HIF3A: variants seen among roughly 807,000 people sequenced by gnomAD.
HIF3A encodes the protein hypoxia-inducible factor 3-alpha.
HIF3A carries 41 observed loss-of-function variants against 67.2 expected under a neutral mutation model. That is an observed-to-expected ratio of 0.61 (90% CI 0.48 to 0.79). The LOEUF (loss-of-function observed/expected upper bound fraction) is 0.79, where lower values mean the gene tolerates loss of function less well. Ranked by LOEUF, HIF3A falls within the 30% of genes least tolerant of loss-of-function variation. The pLI is 0.00. For missense variants in HIF3A, 855 were observed against 898.0 expected, an observed-to-expected ratio of 0.95 and a Z score of 0.61; for synonymous variants, 356 against 374.8, an observed-to-expected ratio of 0.95 and a Z score of 0.58.
At chr19:46,331,093 A>C in intron 12 of HIF3A, 63 bp from the exon 13 acceptor site, 1 of 1,311,662 alleles carries the variant, frequency 7.6e-7, no homozygotes, top group Non-Finnish European at 1.1e-6. Flanking sequence ...TCACCTGCTT[A>C]CACTGTTATC....
chr19:46,338,101 C>T (rs1260158211), intron 14 of HIF3A: 13 of 429,906 alleles, frequency 3.0e-5, no homozygotes, highest in South Asian at 2.0e-4. Flanking sequence ...ACTGGAGTGT[C>T]GGTCCCATAA....
At position 46,325,544 on chromosome 19, in the gene HIF3A, C is replaced by G; in HGVS notation, c.1345C>G (p.Pro449Ala). ...HPQSPLSADL[P>A]DELPVGTENV... is the part of the protein sequence containing the mutation. ...CTCCATCTCTCCACAGGCTGATCTC[C>G]CAGATGAACTACCTGTGGGCACCGA... is the stretch of plus-strand genomic sequence containing the variant. The change falls in exon 11 of 15, where the codon CCA becomes GCA. Residue 449 changes from proline (P) to alanine (A), a missense_variant. Physicochemically the swap from Pro to Ala is conservative, Grantham distance 27. Coordinates refer to ENST00000377670, the MANE Select transcript of HIF3A (RefSeq NM_152795.4). 6.2e-7 allele frequency: 1 copy of G among 1,612,552 alleles called. No homozygotes were observed. The highest frequency in any genetic ancestry group is 8.5e-7 in the Non-Finnish European group (1 of 1,179,470).
rs1314180988 is a variant in HIF3A at position 46,339,825 on chromosome 19, C to T, written c.*203C>T. 1 of 420,720 alleles carries T rather than the reference C, an allele frequency of 2.4e-6. No individual in the cohort carries two copies. Among genetic ancestry groups the T allele is most frequent in the African/African-American group, 2.0e-5 (1 of 49,334 alleles). 26.1% of individuals were successfully genotyped at this position (420,720 alleles called of 1,614,324 possible). Reference sequence around the variant, plus strand: ...GGGGCTCTCTGGGGTGGTCTCAGCTCAGTGACCTCTGGGAGGTGGTCCCTG... The same window carrying T: ...GGGGCTCTCTGGGGTGGTCTCAGCTTAGTGACCTCTGGGAGGTGGTCCCTG... On this transcript the variant is annotated 3_prime_UTR_variant, in exon 15 of 15. Transcript: ENST00000377670.
intron 1 of HIF3A, among the ~76,000 whole-genome samples, chr19:46,301,142 C>T (rs894371700): frequency 6.6e-6 from 1 of 152,156 alleles, no homozygotes; most frequent in Non-Finnish European, 1.5e-5. Context: ...GGACAGGGGC[C>T]GTATCTCCCC....
chr19:46,300,078 A>G (rs541046059), intron 1 of HIF3A, among the ~76,000 whole-genome samples: 91 of 152,314 alleles, frequency 6.0e-4, no homozygotes, highest in Middle Eastern at 3.4e-3. Flanking sequence ...TCCAAATCTC[A>G]GTTTCTGCCT....
intron 8 of HIF3A, among the ~76,000 whole-genome samples, chr19:46,315,642 A>T (rs887605344): frequency 6.6e-6 from 1 of 152,186 alleles, no homozygotes; most frequent in Non-Finnish European, 1.5e-5. Flanking sequence ...GGCTGGGCAC[A>T]GTGGCTGATG....
chr19:46,303,760 G>A, intron 1 of HIF3A, 138 bp from the exon 2 acceptor site: 4 of 1,504,350 alleles, frequency 2.7e-6, no homozygotes, highest in Non-Finnish European at 3.6e-6. Flanking sequence ...ACTCGACAGG[G>A]CCACACATCG....
rs1969142619 is a variant in HIF3A, at chr19:46,308,728, C to T, written c.514C>T (p.Leu172Phe). Residue 172 changes from leucine (L) to phenylalanine (F), a missense_variant, in exon 5 of 15, where the codon CTC (leucine) becomes TTC (phenylalanine). Leu to Phe is a conservative substitution (Grantham distance 22). Transcript: ENST00000377670. ...CTTCTCCTTGCGCATGAAGAGTACA[C>T]TCACCAGCCGCGGGCGCACCCTCAA... is the stretch of plus-strand genomic sequence containing the variant. ...RCFSLRMKST[L>F]TSRGRTLNLK... The T allele has an allele frequency of 6.2e-7, 1 of 1,610,410 alleles. No homozygotes were observed. Among genetic ancestry groups the T allele is most frequent in the Non-Finnish European group, 8.5e-7 (1 of 1,178,558 alleles).
At chr19:46,338,998 C>T (rs1971820573) in intron 14 of HIF3A, among the ~76,000 whole-genome samples, 1 of 152,138 alleles carries the variant, frequency 6.6e-6, no homozygotes, top group Admixed American at 6.6e-5. Flanking sequence ...ATCTTTTATT[C>T]TTTAATTGAT....
At position 46,304,137 on chromosome 19, in the gene HIF3A, G is replaced by GA. The variant is rs199779703; in HGVS notation, c.217+56dup. ...CCGTCTTGGTCAGGCCCCGCCCACGGAAAAAAACTACATCCCAGGGAGGCC... is the reference window on the plus strand; with the variant it reads ...CCGTCTTGGTCAGGCCCCGCCCACGGAAAAAAAACTACATCCCAGGGAGGCC... On this transcript the variant is annotated intron_variant, in intron 2 of 14. Coordinates refer to ENST00000377670, the MANE Select transcript of HIF3A (RefSeq NM_152795.4). 5,781 of 1,488,954 alleles carry GA rather than the reference G, an allele frequency of 3.9e-3. 149 individuals are homozygous for GA. In the African/African-American group the frequency reaches 0.06, roughly 15 times the overall value. 92.2% of individuals were successfully genotyped at this position (1,488,954 alleles called of 1,614,324 possible).
intron 8 of HIF3A, chr19:46,313,013 G>A (rs893135704): frequency 2.0e-6 from 2 of 986,406 alleles, no homozygotes; most frequent in African/African-American, 3.5e-5. Context: ...ACTTTGGGAG[G>A]CTGAGGTGGG....
chr19:46,310,862 T>G (rs188507592), intron 6 of HIF3A, among the ~76,000 whole-genome samples: 1 of 152,312 alleles, frequency 6.6e-6, no homozygotes, highest in African/African-American at 2.4e-5. Context: ...GTGATTCACC[T>G]GCCTCAGCCT....
At chr19:46,310,843 C>T (rs556219160) in intron 6 of HIF3A, among the ~76,000 whole-genome samples, 2 of 152,262 alleles carry the variant, frequency 1.3e-5, no homozygotes, top group African/African-American at 4.8e-5. Flanking sequence ...GTCCACCTCC[C>T]GGGTTCAAGT....
At position 46,314,570 on chromosome 19, in the gene HIF3A, T is replaced by G. The variant is rs140320978; in HGVS notation, c.1025+1917T>G. Among the ~76,000 whole-genome samples the G allele has an allele frequency of 8.4e-4, 124 of 146,984 alleles. 11 individuals are homozygous for G. The highest frequency in any genetic ancestry group is 1.5e-3 in the Non-Finnish European group (102 of 66,960). On this transcript the variant is annotated intron_variant, in intron 8 of 14. Coordinates refer to ENST00000377670, the MANE Select transcript of HIF3A (RefSeq NM_152795.4). ...TATTTTTATTTTTATTTATTTATTT[T>G]TTTTGAGACAGAGTTTTGCCCTTGT...
At chr19:46,302,501 G>A (rs1287935648) in intron 1 of HIF3A, among the ~76,000 whole-genome samples, 6 of 152,184 alleles carry the variant, frequency 3.9e-5, no homozygotes, top group Admixed American at 1.3e-4. Context: ...CACAATCATG[G>A]CTCACTGTAA....
Position 46,329,959 on chromosome 19 carries a change from G to GAA in HIF3A, c.1712+497_1712+498dup, listed in dbSNP as rs11483629. On this transcript the variant is annotated intron_variant, in intron 12 of 14. Transcript: ENST00000377670. ...CTGGGCAATGGTGAGACCCTGTCAA[G>GAA]AAAAAAAAAAAAAAAAAGATAGAGA... Among the ~76,000 whole-genome samples the GAA allele has an allele frequency of 4.9e-3, 495 of 100,130 alleles. 9 individuals are homozygous for GAA. Among genetic ancestry groups the GAA allele is most frequent in the African/African-American group, 0.013 (336 of 25,274 alleles). 65.7% of individuals were successfully genotyped at this position (100,130 alleles called of 152,430 possible).
At chr19:46,336,758 A>G (rs1420883058) in intron 14 of HIF3A, among the ~76,000 whole-genome samples, 1 of 151,218 alleles carries the variant, frequency 6.6e-6, no homozygotes, top group Non-Finnish European at 1.5e-5. Context: ...AGGCTGAGGC[A>G]GGCGGACCAC....
chr19:46,327,783 T>C (rs1287776892), intron 11 of HIF3A, among the ~76,000 whole-genome samples: 1 of 152,188 alleles, frequency 6.6e-6, no homozygotes, highest in Non-Finnish European at 1.5e-5. Context: ...GAAAGTGCTA[T>C]ACTTAAGATT....
intron 6 of HIF3A, 157 bp from the exon 7 acceptor site, chr19:46,312,004 T>C: frequency 1.3e-6 from 1 of 770,844 alleles, no homozygotes; most frequent in African/African-American, 1.7e-5. Flanking sequence ...CCCACCACAC[T>C]CCTCTTGTTC....
Sources: allele counts gnomAD v4.1 joint callset (sites outside exome capture counted in the v4.1 genomes callset), GRCh38; gene constraint gnomAD v4.1.1; transcripts MANE v1.5; gene names NCBI Gene and HGNC (gene_info 2026-07-23, HGNC 2026-07-21).